GAREM1: variants seen among roughly 807,000 people sequenced by gnomAD.
GAREM1 encodes GRB2-associated and regulator of MAPK protein 1.
Under a neutral mutation model 71.3 loss-of-function variants are expected in GAREM1, and 26 were observed. The ratio of observed to expected loss-of-function variants is 0.36; its 90% CI spans 0.27 to 0.51. GAREM1 has a LOEUF of 0.51. Ranked by LOEUF, GAREM1 falls within the 20% of genes least tolerant of loss-of-function variation. The pLI is 0.95. For missense variants in GAREM1, 1,026 were observed against 1,103.1 expected (o/e 0.93, Z 0.99); for synonymous variants, 440 against 433.2 (o/e 1.02, Z -0.20).
chr18:32,291,330 A>AG (rs1567951714), intron 3 of GAREM1, among the ~76,000 whole-genome samples: 2 of 150,460 alleles, frequency 1.3e-5, no homozygotes, highest in African/African-American at 4.9e-5. Context: ...AAAAAAAAAA[A>AG]AAAACCAAAA....
intron 1 of GAREM1, among the ~76,000 whole-genome samples, chr18:32,453,986 T>C (rs1024971577): frequency 1.3e-5 from 2 of 151,034 alleles, no homozygotes; most frequent in African/African-American, 4.9e-5. Context: ...GGGGGTGGGG[T>C]GAGTATGAAA....
At chr18:32,412,616 A>G in intron 1 of GAREM1, 1 of 1,416,354 alleles carries the variant, frequency 7.1e-7, no homozygotes, top group South Asian at 1.2e-5. Flanking sequence ...ATGAAGCACT[A>G]GCCATCTCTT....
intron 1 of GAREM1, among the ~76,000 whole-genome samples, chr18:32,426,969 T>G (rs1430319409): frequency 1.3e-5 from 2 of 152,228 alleles, no homozygotes; most frequent in East Asian, 3.8e-4. Flanking sequence ...TATATTTTCA[T>G]GCACTTTTAC....
rs1025477332 is a variant in GAREM1, at chr18:32,459,697, G to A, written c.121+10611C>T. ...GAATCTTGCATTATTTTAAAAACCT[G>A]AAACAGGCTAAAAATGAAGATCTAG... On this transcript the variant is annotated intron_variant, in intron 1 of 5. Coordinates refer to ENST00000269209, the MANE Select transcript of GAREM1 (RefSeq NM_001242409.2). 8.5e-5 allele frequency among the ~76,000 whole-genome samples: 13 copies of A among 152,268 alleles called. 1 individual carries two copies. The South Asian group carries it at 1.0e-3, about 12-fold the overall frequency.
chr18:32,344,938 T>A (rs2047680084), intron 2 of GAREM1, among the ~76,000 whole-genome samples: 1 of 152,142 alleles, frequency 6.6e-6, no homozygotes, highest in African/African-American at 2.4e-5. Context: ...GGCGCATGCC[T>A]GTAATCCCAG....
rs140128162 is a variant in GAREM1 at position 32,275,385 on chromosome 18, C to T, written c.1567-5002G>A. Reference sequence around the variant, plus strand: ...CCCTGTATTATCAGGAATGAACCTCCAACCCTCACGCTCAGTGAAGAGCTG... The same window carrying T: ...CCCTGTATTATCAGGAATGAACCTCTAACCCTCACGCTCAGTGAAGAGCTG... On this transcript the variant is annotated intron_variant, in intron 4 of 5. Transcript: ENST00000269209. Among the ~76,000 whole-genome samples, 186 of 152,330 alleles carry T rather than the reference C, an allele frequency of 1.2e-3. 1 individual carries two copies. In the Middle Eastern group the frequency reaches 0.014, roughly 11 times the overall value.
intron 1 of GAREM1, among the ~76,000 whole-genome samples, chr18:32,432,408 C>T (rs952451909): frequency 1.7e-4 from 25 of 151,238 alleles, no homozygotes; most frequent in African/African-American, 6.1e-4. Context: ...AAGAAGAGCA[C>T]AAATAAAAGA....
chr18:32,333,294 T>C (rs2047555593), intron 2 of GAREM1, among the ~76,000 whole-genome samples: 1 of 151,462 alleles, frequency 6.6e-6, no homozygotes, highest in Admixed American at 6.6e-5. Flanking sequence ...ACATAGTGGA[T>C]GGACCAAAAA....
intron 1 of GAREM1, among the ~76,000 whole-genome samples, chr18:32,467,241 T>C (rs1016693442): frequency 5.9e-5 from 9 of 152,312 alleles, no homozygotes; most frequent in South Asian, 4.2e-4. Context: ...AAGTTGTATG[T>C]ATGATGGATG....
Position 32,418,716 on chromosome 18 carries a change from AG to A in GAREM1, c.122-25682del, listed in dbSNP as rs1311275241. The stretch of plus-strand genomic sequence containing the variant: ...GAACTGGGGGTTTCAAAAAGAGACA[AG>A]GGGAAAGAAACGAGTAGGGTTCTCT... On this transcript the variant is annotated intron_variant, in intron 1 of 5. Coordinates refer to ENST00000269209, the MANE Select transcript of GAREM1 (RefSeq NM_001242409.2). Among the ~76,000 whole-genome samples the A allele has an allele frequency of 2.6e-5, 4 of 152,282 alleles. No individual in the cohort carries two copies. In the East Asian group the frequency reaches 7.7e-4, roughly 29 times the overall value.
At chr18:32,321,498 A>C (rs2144539313) in intron 2 of GAREM1, among the ~76,000 whole-genome samples, 1 of 152,318 alleles carries the variant, frequency 6.6e-6, no homozygotes, top group Non-Finnish European at 1.5e-5. Flanking sequence ...TTGACAATAC[A>C]TCAACCTTTC....
chr18:32,449,757 CG>C (rs2048817353), intron 1 of GAREM1, among the ~76,000 whole-genome samples: 2 of 152,190 alleles, frequency 1.3e-5, no homozygotes, highest in African/African-American at 4.8e-5. Context: ...CTTATCATTA[CG>C]ACTATTCTAA....
intron 2 of GAREM1, among the ~76,000 whole-genome samples, chr18:32,314,591 T>C (rs1567961053): frequency 1.4e-5 from 2 of 140,658 alleles, no homozygotes; most frequent in African/African-American, 6.0e-5. Flanking sequence ...CTTTTTGTTG[T>C]TGTTTTTTTT....
chr18:32,316,419 T>G (rs1429064520), intron 2 of GAREM1, among the ~76,000 whole-genome samples: 1 of 152,234 alleles, frequency 6.6e-6, no homozygotes, highest in Non-Finnish European at 1.5e-5. Flanking sequence ...AACTTTCTCT[T>G]GTGATGTTAA....
chr18:32,312,669 T>C (rs2047336041), intron 2 of GAREM1, among the ~76,000 whole-genome samples: 2 of 152,342 alleles, frequency 1.3e-5, no homozygotes, highest in South Asian at 4.1e-4. Flanking sequence ...GAAATGTTTT[T>C]ATTTTCCTTA....
chr18:32,346,767 C>G (rs922245499), intron 2 of GAREM1, among the ~76,000 whole-genome samples: 1 of 152,200 alleles, frequency 6.6e-6, no homozygotes, highest in African/African-American at 2.4e-5. Flanking sequence ...GATTCAAAAA[C>G]TTTTAATAAG....
intron 1 of GAREM1, among the ~76,000 whole-genome samples, chr18:32,456,686 A>C (rs115937079): frequency 1.6e-3 from 246 of 152,294 alleles, no homozygotes; most frequent in African/African-American, 5.3e-3. Flanking sequence ...TGTTTTGGAG[A>C]AGTGAAACAT....
chr18:32,377,280 T>C (rs2048039437), intron 2 of GAREM1, among the ~76,000 whole-genome samples: 1 of 152,204 alleles, frequency 6.6e-6, no homozygotes, highest in South Asian at 2.1e-4. Context: ...ATATTGTTGT[T>C]GCTTTAAGCC....
intron 4 of GAREM1, 72 bp from the exon 5 acceptor site, chr18:32,270,455 G>C: frequency 7.4e-7 from 1 of 1,348,640 alleles, no homozygotes; most frequent in South Asian, 1.4e-5. Context: ...CAATCCTGAA[G>C]ACTTGCTCAA....
Sources: gnomAD v4.1 joint callset for allele counts (sites outside exome capture counted in the v4.1 genomes callset) on GRCh38, gnomAD v4.1.1 for gene constraint, MANE v1.5 for transcripts, NCBI Gene and HGNC (gene_info 2026-07-23, HGNC 2026-07-21) for gene names.